Variants in GNAO1 observed in about 807,000 individuals in gnomAD.
GNAO1 encodes G protein subunit alpha o1, also known as guanine nucleotide-binding protein G(o) subunit alpha.
For missense variants in GNAO1, 166 were observed against 478.7 expected (o/e 0.35, Z 6.10); for synonymous variants, 164 against 180.7 (o/e 0.91, Z 0.74).
chr16:56,273,895 T>G (rs1286538162), intron 2 of GNAO1, among the ~76,000 whole-genome samples: 1 of 152,214 alleles, frequency 6.6e-6, no homozygotes, highest in African/African-American at 2.4e-5. Flanking sequence ...GTTCAACTGA[T>G]AAGCTCCCTG....
Position 56,311,937 on chromosome 16 carries a change from C to T in GNAO1, c.304-16694C>T, listed in dbSNP as rs2037462701. 6.6e-6 allele frequency among the ~76,000 whole-genome samples: 1 copy of T among 152,226 alleles called. No homozygotes were observed. The highest frequency in any genetic ancestry group is 2.4e-5 in the African/African-American group (1 of 41,454). On this transcript the variant is annotated intron_variant, in intron 3 of 8. Coordinates refer to ENST00000262493, the MANE Select transcript of GNAO1 (RefSeq NM_020988.3). The surrounding 1 kb of genome is among the most constrained non-coding windows in gnomAD (Gnocchi z 5.2). ...CATGTAAACACTACCAGCATCAACACGGTAATGCCGGTTCCCCTGGGTGGG... is the reference window on the plus strand; with the variant it reads ...CATGTAAACACTACCAGCATCAACATGGTAATGCCGGTTCCCCTGGGTGGG...
chr16:56,245,962 G>C (rs964515316), intron 2 of GNAO1, among the ~76,000 whole-genome samples: 5 of 152,118 alleles, frequency 3.3e-5, no homozygotes, highest in African/African-American at 1.2e-4. Context: ...ATTCAAACTC[G>C]GATCTTAATG....
intron 3 of GNAO1, chr16:56,301,779 T>C (rs1357847223): frequency 6.6e-6 from 1 of 152,150 alleles, no homozygotes; most frequent in Non-Finnish European, 1.5e-5. Flanking sequence ...ATAAGCGTAG[T>C]GGCCATCATG....
chr16:56,296,498 C>T (rs1393884722), intron 3 of GNAO1, among the ~76,000 whole-genome samples: 3 of 152,118 alleles, frequency 2.0e-5, no homozygotes, highest in Admixed American at 1.3e-4. Flanking sequence ...CAGAGGGGGT[C>T]GCTGAGCCTG....
chr16:56,211,160 T>G (rs1484799734), intron 2 of GNAO1, among the ~76,000 whole-genome samples: 1 of 152,086 alleles, frequency 6.6e-6, no homozygotes, highest in Non-Finnish European at 1.5e-5. Context: ...GAGTAGGAAA[T>G]AACATTTATT....
intron 6 of GNAO1, chr16:56,340,687 C>T (rs2037793461): frequency 8.4e-6 from 6 of 712,582 alleles, no homozygotes; most frequent in South Asian, 3.4e-5. Flanking sequence ...TGGGTCCTCC[C>T]GTCTCCGTCC....
chr16:56,344,221 C>G, intron 6 of GNAO1: 1 of 1,382,124 alleles, frequency 7.2e-7, no homozygotes, highest in South Asian at 1.7e-5. Context: ...AGTGCTTGAT[C>G]GGGAAGCTGG....
At chr16:56,218,340 A>G (rs1188783954) in intron 2 of GNAO1, among the ~76,000 whole-genome samples, 10 of 152,220 alleles carry the variant, frequency 6.6e-5, no homozygotes, top group African/African-American at 2.2e-4. Flanking sequence ...AGTTGAGGAC[A>G]GACCATCACC....
chr16:56,247,482 GT>G (rs61650674), intron 2 of GNAO1, among the ~76,000 whole-genome samples: 5,924 of 119,644 alleles, frequency 0.05, 83 homozygotes, highest in African/African-American at 0.074. Context: ...TTAGGGTGAG[GT>G]TTTTTTTTTT....
chr16:56,245,152 T>C (rs1394753523), intron 2 of GNAO1, among the ~76,000 whole-genome samples: 4 of 152,092 alleles, frequency 2.6e-5, no homozygotes, highest in African/African-American at 7.2e-5. Context: ...AAAAAAACTC[T>C]GTTAAAGATG....
At position 56,341,034 on chromosome 16, in the gene GNAO1, G is replaced by A. The variant is rs199802220; in HGVS notation, c.723+4174G>A. 1.8e-4 allele frequency: 268 copies of A among 1,531,336 alleles called. No homozygotes were observed. In the African/African-American group the frequency reaches 2.0e-3, roughly 11 times the overall value. 94.9% of individuals were successfully genotyped at this position (1,531,336 alleles called of 1,614,324 possible). On this transcript the variant is annotated intron_variant, in intron 6 of 8. Coordinates refer to ENST00000262493, the MANE Select transcript of GNAO1 (RefSeq NM_020988.3). ...GCAGGCCCCCGAGGGAGCGGGCCCC[G>A]TTCCCAAAGCCCAGTCCACCCTTCC...
At chr16:56,257,808 C>T (rs1323278084) in intron 2 of GNAO1, among the ~76,000 whole-genome samples, 6 of 152,218 alleles carry the variant, frequency 3.9e-5, no homozygotes, top group African/African-American at 7.2e-5. Context: ...AGTCCTAATG[C>T]CAACAGGGCC....
At chr16:56,253,162 C>T (rs2143460810) in intron 2 of GNAO1, among the ~76,000 whole-genome samples, 1 of 152,326 alleles carries the variant, frequency 6.6e-6, no homozygotes, top group South Asian at 2.1e-4. Context: ...GCCCAGGTTC[C>T]AGTCAGCTCT....
intron 2 of GNAO1, among the ~76,000 whole-genome samples, chr16:56,252,872 C>A (rs866493788): frequency 5.3e-5 from 8 of 152,142 alleles, no homozygotes; most frequent in African/African-American, 1.9e-4. Flanking sequence ...GCCTGTCCCC[C>A]CCACCAACCC....
chr16:56,255,333 C>T (rs764658830), intron 2 of GNAO1, among the ~76,000 whole-genome samples: 1 of 152,166 alleles, frequency 6.6e-6, no homozygotes, highest in African/African-American at 2.4e-5. Flanking sequence ...TAAGTATTTT[C>T]CATAGATGAG....
chr16:56,302,185 T>C (rs541740196), intron 3 of GNAO1: 4 of 152,196 alleles, frequency 2.6e-5, no homozygotes, highest in Non-Finnish European at 5.9e-5. Context: ...CAGACTAAGG[T>C]TCCCTGGGTT....
At chr16:56,246,810 C>G (rs184056803) in intron 2 of GNAO1, among the ~76,000 whole-genome samples, 103 of 152,314 alleles carry the variant, frequency 6.8e-4, no homozygotes, top group Non-Finnish European at 1.2e-3. Flanking sequence ...CCTCTCCTCT[C>G]CCCTCCCTGG....
chr16:56,249,992 T>C (rs1423355650), intron 2 of GNAO1, among the ~76,000 whole-genome samples: 2 of 152,112 alleles, frequency 1.3e-5, no homozygotes, highest in Non-Finnish European at 2.9e-5. Context: ...AGGACACAGC[T>C]CAGACTTGGC....
At chr16:56,256,317 G>A (rs1453356755) in intron 2 of GNAO1, among the ~76,000 whole-genome samples, 1 of 152,136 alleles carries the variant, frequency 6.6e-6, no homozygotes, top group African/African-American at 2.4e-5. Flanking sequence ...GTCTGACCTG[G>A]GTCAATCAGG....
Sources: gnomAD v4.1 joint callset for allele counts (sites outside exome capture counted in the v4.1 genomes callset) on GRCh38, gnomAD v4.1.1 for gene constraint, Gnocchi (gnomAD v3.1) non-coding constraint, MANE v1.5 for transcripts, NCBI Gene and HGNC (gene_info 2026-07-23, HGNC 2026-07-21) for gene names.